CTNNA3: variants seen among roughly 807,000 people sequenced by gnomAD.
The protein encoded by CTNNA3 is catenin alpha 3.
CTNNA3 carries 76 observed loss-of-function variants against 95.7 expected under a neutral mutation model. That is an observed-to-expected ratio of 0.79 (90% CI 0.66 to 0.96). The LOEUF is 0.96. CTNNA3 is among the 40% of genes least tolerant of loss of function. CTNNA3 has a pLI of 0.00. For missense variants in CTNNA3, 1,191 were observed against 1,089.8 expected, an observed-to-expected ratio of 1.09 and a Z score of -1.31; for synonymous variants, 431 against 374.4, an observed-to-expected ratio of 1.15 and a Z score of -1.74.
Position 66,310,410 on chromosome 10 carries a change from G to A in CTNNA3, c.1733-29789C>T, listed in dbSNP as rs116752662. On this transcript the variant is annotated intron_variant, in intron 12 of 17. Coordinates refer to ENST00000433211, the MANE Select transcript of CTNNA3 (RefSeq NM_013266.4). ...TTCTAAATTTAGTTCAGTACCCCACGATCCATTTCTGTACCCTAAACTATT... is the reference window on the plus strand; with the variant it reads ...TTCTAAATTTAGTTCAGTACCCCACAATCCATTTCTGTACCCTAAACTATT... Among the ~76,000 whole-genome samples, 458 of 152,148 alleles carry A rather than the reference G, an allele frequency of 3.0e-3. 3 individuals carry two copies. Among genetic ancestry groups the A allele is most frequent in the African/African-American group, 0.011 (436 of 41,498 alleles).
At chr10:66,714,057 T>A (rs1385143957) in intron 9 of CTNNA3, among the ~76,000 whole-genome samples, 1 of 152,084 alleles carries the variant, frequency 6.6e-6, no homozygotes, top group Admixed American at 6.6e-5. Context: ...AGAGAGTAAT[T>A]AAGTTAAAGG....
At chr10:67,419,138 C>T (rs892047287) in intron 5 of CTNNA3, among the ~76,000 whole-genome samples, 8 of 152,104 alleles carry the variant, frequency 5.3e-5, no homozygotes, top group African/African-American at 1.2e-4. Flanking sequence ...TATTCCACCT[C>T]TACCATGGTG....
chr10:65,947,540 A>G (rs999118655), intron 17 of CTNNA3, among the ~76,000 whole-genome samples: 2 of 152,202 alleles, frequency 1.3e-5, no homozygotes, highest in Admixed American at 1.3e-4. Flanking sequence ...TTTATTGTCC[A>G]GTGAGCAACC....
chr10:67,390,313 G>A (rs1466833990), intron 5 of CTNNA3, among the ~76,000 whole-genome samples: 3 of 152,146 alleles, frequency 2.0e-5, no homozygotes, highest in African/African-American at 7.2e-5. Flanking sequence ...AGAAGAAATG[G>A]ATAAATTCCT....
chr10:66,554,024 T>C (rs1226691088), intron 10 of CTNNA3, among the ~76,000 whole-genome samples: 1 of 152,134 alleles, frequency 6.6e-6, no homozygotes, highest in Non-Finnish European at 1.5e-5. Flanking sequence ...CCTCATTTTT[T>C]TCCCACACAG....
intron 1 of CTNNA3, among the ~76,000 whole-genome samples, chr10:67,722,111 C>A (rs1841182754): frequency 1.3e-5 from 2 of 152,186 alleles, no homozygotes. Flanking sequence ...TTAACAATCT[C>A]AATGGTTCCC....
intron 11 of CTNNA3, among the ~76,000 whole-genome samples, chr10:66,392,053 A>G (rs2132532547): frequency 7.2e-6 from 1 of 139,328 alleles, no homozygotes; most frequent in South Asian, 2.3e-4. Flanking sequence ...CACCAAAAAC[A>G]TAATTAACAA....
At chr10:66,943,908 A>C in intron 7 of CTNNA3, among the ~76,000 whole-genome samples, 1 of 152,230 alleles carries the variant, frequency 6.6e-6, no homozygotes, top group East Asian at 1.9e-4. Context: ...ATTGCTAAAA[A>C]GTGCTCATGA....
intron 2 of CTNNA3, among the ~76,000 whole-genome samples, chr10:67,615,571 C>A (rs986416839): frequency 1.3e-5 from 2 of 151,406 alleles, no homozygotes; most frequent in Non-Finnish European, 2.9e-5. Flanking sequence ...TGTGCCAGAA[C>A]ATGGCAATGA....
At chr10:66,881,268 G>A (rs992691406) in intron 7 of CTNNA3, among the ~76,000 whole-genome samples, 1 of 152,114 alleles carries the variant, frequency 6.6e-6, no homozygotes, top group African/African-American at 2.4e-5. Flanking sequence ...CAAATAATCT[G>A]AGTTAAATGG....
chr10:67,443,551 G>A (rs181000554), intron 5 of CTNNA3, among the ~76,000 whole-genome samples: 69 of 152,280 alleles, frequency 4.5e-4, no homozygotes, highest in Admixed American at 1.9e-3. Context: ...GGCCAGTGAT[G>A]ATGAGCATTT....
chr10:66,984,658 AC>A (rs1850628483), intron 7 of CTNNA3, among the ~76,000 whole-genome samples: 1 of 152,176 alleles, frequency 6.6e-6, no homozygotes. Flanking sequence ...CAGAAGTTTT[AC>A]CCTCTTAATT....
At chr10:66,577,918 G>C (rs1349530873) in intron 10 of CTNNA3, among the ~76,000 whole-genome samples, 1 of 151,918 alleles carries the variant, frequency 6.6e-6, no homozygotes, top group Non-Finnish European at 1.5e-5. Context: ...TGGCAGTATG[G>C]TCACTTTAAC....
At chr10:66,415,082 G>A (rs1021276005) in intron 11 of CTNNA3, among the ~76,000 whole-genome samples, 3 of 152,044 alleles carry the variant, frequency 2.0e-5, no homozygotes, top group Non-Finnish European at 2.9e-5. Context: ...AGGGCAGCAG[G>A]GCAGCTACTA....
In CTNNA3 at chr10:66,595,331, T is replaced by TTTATTATTA. The variant is rs138690387; in HGVS notation, c.1374+26352_1374+26360dup. On this transcript the variant is annotated intron_variant, in intron 10 of 17. Coordinates refer to ENST00000433211, the MANE Select transcript of CTNNA3 (RefSeq NM_013266.4). The stretch of plus-strand genomic sequence containing the variant: ...ATTCCTTGTTGATTGATTGATCTTA[T>TTTATTATTA]TTATTATTATTATTATTATTATTAT... 4.0e-5 allele frequency among the ~76,000 whole-genome samples: 6 copies of TTTATTATTA among 149,174 alleles called. No homozygotes were observed. The South Asian group carries it at 6.4e-4, about 16-fold the overall frequency.
intron 17 of CTNNA3, among the ~76,000 whole-genome samples, chr10:65,935,346 GT>G (rs1007627433): frequency 6.6e-6 from 1 of 151,760 alleles, no homozygotes; most frequent in Non-Finnish European, 1.5e-5. Context: ...CACTAACTTG[GT>G]TTTTTTTAAT....
At chr10:67,491,265 C>T (rs10997663) in intron 5 of CTNNA3, among the ~76,000 whole-genome samples, 6,261 of 152,168 alleles carry the variant, frequency 0.041, 147 homozygotes, top group South Asian at 0.1. Flanking sequence ...AACCATAGTT[C>T]ATTTGGCAAC....
chr10:66,596,921 G>A (rs1843732115), intron 10 of CTNNA3, among the ~76,000 whole-genome samples: 1 of 151,728 alleles, frequency 6.6e-6, no homozygotes, highest in Non-Finnish European at 1.5e-5. Context: ...AACACAGATA[G>A]ATACCTAAAT....
chr10:66,013,463 C>T (rs1387388873), intron 15 of CTNNA3, among the ~76,000 whole-genome samples: 2 of 152,080 alleles, frequency 1.3e-5, no homozygotes, highest in South Asian at 2.1e-4. Flanking sequence ...TGATCTAGAC[C>T]TGCACTGTTC....
Sources: allele counts gnomAD v4.1 joint callset (sites outside exome capture counted in the v4.1 genomes callset), GRCh38; gene constraint gnomAD v4.1.1; transcripts MANE v1.5; gene names NCBI Gene and HGNC (gene_info 2026-07-23, HGNC 2026-07-21).